Variants in HGFAC observed in about 807,000 individuals in gnomAD.
HGFAC encodes hepatocyte growth factor activator serine protease.
A neutral mutation model predicts 70.6 loss-of-function variants in HGFAC; 76 were observed. The observed-to-expected ratio is 1.08, with a 90% CI of 0.89 to 1.30. The LOEUF is 1.30. Ranked by LOEUF, HGFAC falls within the 50% of genes most tolerant of loss-of-function variation. The pLI is 0.00. For missense variants in HGFAC, 1,044 were observed against 933.7 expected, an observed-to-expected ratio of 1.12 and a Z score of -1.54; for synonymous variants, 464 against 405.3, an observed-to-expected ratio of 1.14 and a Z score of -1.74.
At chr4:3,444,239 C>G in intron 5 of HGFAC, 72 bp from the exon 6 acceptor site, 2 of 1,561,290 alleles carry the variant, frequency 1.3e-6, no homozygotes, top group South Asian at 1.2e-5. Flanking sequence ...AGGTGGCTCC[C>G]GAGTGCAGGG....
rs965531430 is a variant in HGFAC at position 3,449,481 on chromosome 4, C to T, written c.*62C>T. 1.4e-5 allele frequency: 21 copies of T among 1,455,262 alleles called. No homozygotes were observed. The highest frequency in any genetic ancestry group is 1.9e-5 in the Non-Finnish European group (21 of 1,090,856). The allele number at this position is 1,455,262 out of a possible 1,614,324, so 90.1% of individuals were successfully genotyped here. A position where few individuals can be genotyped will look rare whatever the true frequency, so the allele number is the denominator to read the frequency against. ...GCCTTGCTGACAATAAAGATATTTCCAAGAACCCGGCCCACGCTGCCTGGC... is the reference window on the plus strand; with the variant it reads ...GCCTTGCTGACAATAAAGATATTTCTAAGAACCCGGCCCACGCTGCCTGGC... On this transcript the variant is annotated 3_prime_UTR_variant, in exon 14 of 14. Transcript: ENST00000382774.
intron 11 of HGFAC, 101 bp from the exon 12 acceptor site, chr4:3,447,794 C>T: frequency 6.5e-7 from 1 of 1,539,466 alleles, no homozygotes. Context: ...TCCCAGGCTG[C>T]CCTGTGGACC....
intron 10 of HGFAC, 63 bp from the exon 11 acceptor site, chr4:3,447,429 G>C: frequency 6.3e-7 from 1 of 1,590,090 alleles, no homozygotes; most frequent in Non-Finnish European, 8.6e-7. Flanking sequence ...AGGGGGTGGG[G>C]AGAGGTGAGC....
At chr4:3,443,295 G>C in intron 3 of HGFAC, 46 bp from the exon 4 acceptor site, 1 of 1,494,798 alleles carries the variant, frequency 6.7e-7, no homozygotes, top group Non-Finnish European at 9.0e-7. Flanking sequence ...GGTGGGGTGG[G>C]GGGCCTCTGC....
Position 3,448,214 on chromosome 4 carries a change from G to T in HGFAC, c.1723G>T (p.Ala575Ser). ...HKCSSPEVYG[A>S]DISPNMLCAG... ...GTGCAGCAGCCCTGAGGTCTACGGCGCCGACATCAGCCCCAACATGCTCTG... is the reference window on the plus strand; with the variant it reads ...GTGCAGCAGCCCTGAGGTCTACGGCTCCGACATCAGCCCCAACATGCTCTG... Residue 575 changes from alanine (A) to serine (S), a missense_variant, in exon 13 of 14, where the codon GCC becomes TCC. Physicochemically the swap from Ala to Ser is moderately conservative, Grantham distance 99. Transcript: ENST00000382774. 6.2e-7 allele frequency: 1 copy of T among 1,607,662 alleles called. No homozygotes were observed. Among genetic ancestry groups the T allele is most frequent in the Non-Finnish European group, 8.5e-7 (1 of 1,178,640 alleles).
At chr4:3,446,883 G>A (rs1205905981) in intron 10 of HGFAC, among the ~76,000 whole-genome samples, 2 of 152,182 alleles carry the variant, frequency 1.3e-5, no homozygotes, top group Non-Finnish European at 2.9e-5. Flanking sequence ...GCGGCCTTTC[G>A]AGGACCACAG....
At chr4:3,442,270 C>A in intron 1 of HGFAC, 152 bp downstream of exon 1, 1 of 606,140 alleles carries the variant, frequency 1.6e-6, no homozygotes, top group Non-Finnish European at 2.7e-6. Flanking sequence ...CTGGCCCTCA[C>A]AGGGCAGGTG....
rs995900754 is a variant in HGFAC, at chr4:3,443,933, G to C, written c.476-106G>C. The C allele has an allele frequency of 5.5e-6, 7 of 1,278,182 alleles. No homozygotes were observed. The African/African-American group carries it at 7.5e-5, about 14-fold the overall frequency. The allele number at this position is 1,278,182 out of a possible 1,614,324, so 79.2% of individuals were successfully genotyped here. A position where few individuals can be genotyped will look rare whatever the true frequency, so the allele number is the denominator to read the frequency against. On this transcript the variant is annotated intron_variant, in intron 4 of 13. Transcript: ENST00000382774. ...CGTAGAGAGGGCCCCTTTGCTCTCA[G>C]AGCCCCTCACTGGGGCCTGATGGAC...
rs1302101176 is a variant in HGFAC, at chr4:3,444,912, C to G, written c.935C>G (p.Ser312Cys). ...ASGLSCLAWNSDLLYQELHVD... is the reference protein window; with the variant it reads ...ASGLSCLAWNCDLLYQELHVD... ...GGCCTCAGCTGCCTGGCCTGGAACT[C>G]CGATCTGCTCTACCAGGAGCTGCAC... is the stretch of plus-strand genomic sequence containing the variant. Residue 312 changes from serine to cysteine, a missense_variant, in exon 8 of 14, where the codon TCC (serine) becomes TGC (cysteine). Transcript: ENST00000382774. 6.2e-7 allele frequency: 1 copy of G among 1,609,616 alleles called. No individual in the cohort carries two copies. The highest frequency in any genetic ancestry group is 2.2e-5 in the East Asian group (1 of 44,790).
At chr4:3,445,438 G>C (rs1577125720) in intron 9 of HGFAC, 88 bp downstream of exon 9, 1 of 894,694 alleles carries the variant, frequency 1.1e-6, no homozygotes, top group South Asian at 1.4e-5. Flanking sequence ...CCGCACACCT[G>C]GCTACTGCAT....
intron 11 of HGFAC, 42 bp downstream of exon 11, chr4:3,447,673 C>A (rs1560194434): frequency 6.2e-7 from 1 of 1,607,886 alleles, no homozygotes; most frequent in Admixed American, 1.7e-5. Flanking sequence ...GGCAGGTGGG[C>A]CCTGTGCTCC....
chr4:3,443,043 C>A lies in HGFAC; in HGVS notation c.299-7C>A, dbSNP rs1454686297. 1 of 1,594,574 alleles carries A rather than the reference C, an allele frequency of 6.3e-7. No individual in the cohort carries two copies. On this transcript the variant is annotated splice_polypyrimidine_tract_variant and splice_region_variant and intron_variant, in intron 2 of 13. Coordinates refer to ENST00000382774, the MANE Select transcript of HGFAC (RefSeq NM_001528.4). ...GGAGCCCTGACCCTGCCACCCCCTC[C>A]CCACAGCACTCACCGAGGACGGGAG...
In HGFAC at chr4:3,444,706, G is replaced by A. The variant is rs866064542; in HGVS notation, c.814G>A (p.Gly272Ser). 6.3e-7 allele frequency: 1 copy of A among 1,596,592 alleles called. No homozygotes were observed. Among genetic ancestry groups the A allele is most frequent in the Non-Finnish European group, 8.5e-7 (1 of 1,178,042 alleles). The change falls in exon 7 of 14, where the codon GGC becomes AGC. Residue 272 changes from glycine to serine, a missense_variant. Transcript: ENST00000382774. ...GACCACCGTGTGTGCCTGCCCACCAGGCTTCGCTGGACGGCTCTGCAACAT... is the reference window on the plus strand; with the variant it reads ...GACCACCGTGTGTGCCTGCCCACCAAGCTTCGCTGGACGGCTCTGCAACAT... ...TGTTVCACPPGFAGRLCNIEP... is the reference protein window; with the variant it reads ...TGTTVCACPPSFAGRLCNIEP...
chr4:3,443,620 G>A (rs1358199863), intron 4 of HGFAC, among the ~76,000 whole-genome samples, 200 bp downstream of exon 4: 1 of 152,312 alleles, frequency 6.6e-6, no homozygotes, highest in Middle Eastern at 3.4e-3. Context: ...GTGGCTGCGC[G>A]GCCATCGCTG....
chr4:3,447,446 G>T, intron 10 of HGFAC, 46 bp from the exon 11 acceptor site: 1 of 1,605,912 alleles, frequency 6.2e-7, no homozygotes, highest in Non-Finnish European at 8.5e-7. Context: ...GAGCCCGGTG[G>T]CTGGGGGAGG....
intron 3 of HGFAC, 54 bp downstream of exon 3, chr4:3,443,200 T>G: frequency 7.3e-7 from 1 of 1,366,718 alleles, no homozygotes; most frequent in Non-Finnish European, 9.8e-7. Flanking sequence ...CCACGCTGCC[T>G]GCTTTTCTGG....
chr4:3,449,291 G>A lies in HGFAC; in HGVS notation c.1840G>A (p.Gly614Ser), dbSNP rs769181942. The part of the protein sequence containing the change: ...CEKNGVAYLY[G>S]IISWGDGCGR... ...GAAGAACGGCGTGGCTTACCTCTAC[G>A]GCATCATCAGCTGGGGTGACGGCTG... Residue 614 changes from glycine to serine, a missense_variant, in exon 14 of 14, where the codon GGC becomes AGC. By Grantham distance (56) the Gly-to-Ser change is moderately conservative (BLOSUM62 0). Coordinates refer to ENST00000382774, the MANE Select transcript of HGFAC (RefSeq NM_001528.4). 3.0e-5 allele frequency: 49 copies of A among 1,612,378 alleles called. No homozygotes were observed. The highest frequency in any genetic ancestry group is 3.7e-5 in the Non-Finnish European group (44 of 1,179,736).
At chr4:3,445,401 GT>G (rs749019522) in intron 9 of HGFAC, 51 bp downstream of exon 9, 6 of 1,303,576 alleles carry the variant, frequency 4.6e-6, no homozygotes, top group Non-Finnish European at 6.5e-6. Context: ...GGTCACAGCA[GT>G]TTTCCCCGTG....
Position 3,443,037 on chromosome 4 carries a change from C to A in HGFAC, c.299-13C>A. On this transcript the variant is annotated splice_polypyrimidine_tract_variant and intron_variant, in intron 2 of 13. Coordinates refer to ENST00000382774, the MANE Select transcript of HGFAC (RefSeq NM_001528.4). The stretch of plus-strand genomic sequence containing the variant: ...CTCGAGGGAGCCCTGACCCTGCCAC[C>A]CCCTCCCCACAGCACTCACCGAGGA... 6.3e-7 allele frequency: 1 copy of A among 1,588,424 alleles called. No homozygotes were observed. The highest frequency in any genetic ancestry group is 8.5e-7 in the Non-Finnish European group (1 of 1,170,728).
Sources: allele counts gnomAD v4.1 joint callset (sites outside exome capture counted in the v4.1 genomes callset), GRCh38; gene constraint gnomAD v4.1.1; transcripts MANE v1.5; gene names NCBI Gene and HGNC (gene_info 2026-07-23, HGNC 2026-07-21).